The following HIP1 variants were observed in gnomAD, a reference collection of about 807,000 sequenced individuals.
HIP1 encodes the protein huntingtin interacting protein 1.
A neutral mutation model predicts 147.6 loss-of-function variants in HIP1; 65 were observed. That is an observed-to-expected ratio of 0.44 (90% CI 0.36 to 0.54). The LOEUF (loss-of-function observed/expected upper bound fraction) is 0.54, where lower values mean the gene tolerates loss of function less well. Among genes scored for constraint, HIP1 ranks in the 20% least tolerant of loss-of-function variants. HIP1 has a pLI of 0.00. For missense variants in HIP1, 1,061 were observed against 1,299.6 expected (o/e 0.82, Z 2.82); for synonymous variants, 479 against 504.0 (o/e 0.95, Z 0.67).
intron 1 of HIP1, among the ~76,000 whole-genome samples, chr7:75,708,377 G>A (rs545490352): frequency 6.6e-6 from 1 of 152,264 alleles, no homozygotes; most frequent in East Asian, 1.9e-4. Flanking sequence ...GTCTGGTTTT[G>A]TAGTTGTTGC....
At chr7:75,704,082 G>A (rs1800918692) in intron 1 of HIP1, among the ~76,000 whole-genome samples, 2 of 152,088 alleles carry the variant, frequency 1.3e-5, no homozygotes, top group South Asian at 4.2e-4. Flanking sequence ...CCATAAAATT[G>A]TCCCAAGAAA....
At chr7:75,708,517 T>C (rs1329670722) in intron 1 of HIP1, among the ~76,000 whole-genome samples, 2 of 152,162 alleles carry the variant, frequency 1.3e-5, no homozygotes, top group African/African-American at 4.8e-5. Flanking sequence ...AATTTTGAGT[T>C]AATGTTTGTA....
At chr7:75,667,741 T>C (rs1799606475) in intron 1 of HIP1, among the ~76,000 whole-genome samples, 1 of 152,214 alleles carries the variant, frequency 6.6e-6, no homozygotes, top group African/African-American at 2.4e-5. Context: ...TCCTCCCACC[T>C]CGGCCTCACA....
chr7:75,718,879 A>T (rs906968574), intron 1 of HIP1, among the ~76,000 whole-genome samples: 1 of 152,200 alleles, frequency 6.6e-6, no homozygotes, highest in Non-Finnish European at 1.5e-5. Flanking sequence ...AAAACTACAC[A>T]GCTGCAAACT....
intron 1 of HIP1, among the ~76,000 whole-genome samples, chr7:75,628,450 T>A (rs185534596): frequency 1.3e-5 from 2 of 151,456 alleles, no homozygotes; most frequent in African/African-American, 4.8e-5. Flanking sequence ...ATTAATCTAA[T>A]ATTATAATTT....
chr7:75,576,700 C>A (rs1343694542), intron 7 of HIP1, among the ~76,000 whole-genome samples: 1 of 152,102 alleles, frequency 6.6e-6, no homozygotes, highest in Non-Finnish European at 1.5e-5. Flanking sequence ...CAGAGCAAGG[C>A]TCCGTTTCAG....
intron 1 of HIP1, among the ~76,000 whole-genome samples, chr7:75,638,549 T>C (rs1798520719): frequency 6.6e-6 from 1 of 152,160 alleles, no homozygotes; most frequent in South Asian, 2.1e-4. Flanking sequence ...TCCCCGTCTC[T>C]GCCAAGGGCT....
Position 75,568,135 on chromosome 7 carries a change from C to T in HIP1, c.803+64G>A. 8.4e-7 allele frequency: 1 copy of T among 1,184,662 alleles called. No homozygotes were observed. Among genetic ancestry groups the T allele is most frequent in the Non-Finnish European group, 1.3e-6 (1 of 788,496 alleles). 73.4% of individuals were successfully genotyped at this position (1,184,662 alleles called of 1,614,324 possible). ...CCAGCCACCTCTCACAGTGCACTTG[C>T]ATGGCTTAATGATTTTATAGCGCTC... On this transcript the variant is annotated intron_variant, in intron 9 of 30. Coordinates refer to ENST00000336926, the MANE Select transcript of HIP1 (RefSeq NM_005338.7). The surrounding 1 kb of genome is among the most constrained non-coding windows in gnomAD (Gnocchi z 4.1).
chr7:75,622,714 G>A (rs1033323628), intron 1 of HIP1, among the ~76,000 whole-genome samples: 4 of 151,766 alleles, frequency 2.6e-5, no homozygotes, highest in African/African-American at 9.7e-5. Context: ...ATGGTGGCTG[G>A]TGCCTGTAAT....
intron 1 of HIP1, among the ~76,000 whole-genome samples, chr7:75,617,752 G>T (rs1015242527): frequency 2.0e-5 from 3 of 152,188 alleles, no homozygotes; most frequent in African/African-American, 7.2e-5. Flanking sequence ...TTCGAAAGGG[G>T]CTCCTCCCTT....
At chr7:75,546,333 C>T (rs1445264914) in intron 25 of HIP1, among the ~76,000 whole-genome samples, 9 of 152,198 alleles carry the variant, frequency 5.9e-5, no homozygotes, top group Non-Finnish European at 1.3e-4. Flanking sequence ...CATCAGCTCT[C>T]AGGAAGATAA....
chr7:75,607,529 TAAAA>T (rs140305342), intron 1 of HIP1, among the ~76,000 whole-genome samples: 104 of 107,388 alleles, frequency 9.7e-4, no homozygotes, highest in East Asian at 2.7e-3. Context: ...ATGCCCAGCC[TAAAA>T]AAAAAAAAAA....
chr7:75,710,780 A>G (rs1170388121), intron 1 of HIP1, among the ~76,000 whole-genome samples: 1 of 152,164 alleles, frequency 6.6e-6, no homozygotes, highest in Non-Finnish European at 1.5e-5. Flanking sequence ...TTTTTTAATT[A>G]ATGCCTTTTT....
At chr7:75,684,231 G>A (rs1554517300) in intron 1 of HIP1, among the ~76,000 whole-genome samples, 2 of 151,938 alleles carry the variant, frequency 1.3e-5, no homozygotes, top group Non-Finnish European at 2.9e-5. Context: ...TGGATCGCCG[G>A]AGCTTAGGAG....
intron 1 of HIP1, among the ~76,000 whole-genome samples, chr7:75,705,525 G>A (rs1554519616): frequency 6.6e-6 from 1 of 152,048 alleles, no homozygotes. Flanking sequence ...CCACCACCGT[G>A]CCTGGCTGAG....
chr7:75,579,611 A>G (rs1274225613), intron 7 of HIP1, among the ~76,000 whole-genome samples: 1 of 152,040 alleles, frequency 6.6e-6, no homozygotes, highest in Non-Finnish European at 1.5e-5. Context: ...TGTTTTTCTG[A>G]CCACATCCTG....
chr7:75,662,383 G>C (rs1799350280), intron 1 of HIP1, among the ~76,000 whole-genome samples: 1 of 152,064 alleles, frequency 6.6e-6, no homozygotes, highest in African/African-American at 2.4e-5. Flanking sequence ...TTGCTATGTT[G>C]TCCTAGCTGG....
At chr7:75,710,354 T>C (rs1439667639) in intron 1 of HIP1, among the ~76,000 whole-genome samples, 1 of 152,230 alleles carries the variant, frequency 6.6e-6, no homozygotes, top group Non-Finnish European at 1.5e-5. Context: ...ATTCTGGCAA[T>C]AAACCCTACT....
intron 1 of HIP1, among the ~76,000 whole-genome samples, chr7:75,603,005 A>G (rs918368162): frequency 2.6e-5 from 4 of 151,958 alleles, no homozygotes; most frequent in Non-Finnish European, 5.9e-5. Context: ...TGATGAGTCT[A>G]CAAGCCAAGG....
Sources: gnomAD v4.1 joint callset for allele counts (sites outside exome capture counted in the v4.1 genomes callset) on GRCh38, gnomAD v4.1.1 for gene constraint, Gnocchi (gnomAD v3.1) non-coding constraint, MANE v1.5 for transcripts, NCBI Gene and HGNC (gene_info 2026-07-23, HGNC 2026-07-21) for gene names.